BBS9: variants seen among roughly 807,000 people sequenced by gnomAD.
BBS9 encodes the protein protein PTHB1.
Under a neutral mutation model 117.7 loss-of-function variants are expected in BBS9, and 89 were observed. That is an observed-to-expected ratio of 0.76 (90% CI 0.64 to 0.90). The LOEUF is 0.90. Among genes scored for constraint, BBS9 ranks in the 40% least tolerant of loss-of-function variants. The pLI is 0.00. For missense variants in BBS9, 982 were observed against 1,042.2 expected (o/e 0.94, Z 0.80); for synonymous variants, 379 against 370.9 (o/e 1.02, Z -0.25).
At chr7:33,472,936 A>C (rs1290304612) in intron 19 of BBS9, among the ~76,000 whole-genome samples, 1 of 152,218 alleles carries the variant, frequency 6.6e-6, no homozygotes, top group Non-Finnish European at 1.5e-5. Context: ...TCATCCCAAG[A>C]ACTCTTCTTC....
At chr7:33,247,201 C>T (rs577063488) in intron 5 of BBS9, among the ~76,000 whole-genome samples, 1 of 152,198 alleles carries the variant, frequency 6.6e-6, no homozygotes, top group South Asian at 2.1e-4. Flanking sequence ...AATAGAATAA[C>T]CCAGTAATAT....
chr7:33,328,599 T>G (rs907121465), intron 9 of BBS9, among the ~76,000 whole-genome samples: 23 of 152,192 alleles, frequency 1.5e-4, no homozygotes, highest in African/African-American at 5.6e-4. Context: ...AAATACTATT[T>G]AGGGTTTTAA....
intron 20 of BBS9, among the ~76,000 whole-genome samples, chr7:33,524,372 C>A (rs1849135802): frequency 6.6e-6 from 1 of 152,172 alleles, no homozygotes; most frequent in African/African-American, 2.4e-5. Context: ...GTGAATCCAT[C>A]TGGTCCTGGA....
intron 1 of BBS9, among the ~76,000 whole-genome samples, chr7:33,137,137 A>G (rs867341664): frequency 6.6e-6 from 1 of 152,088 alleles, no homozygotes; most frequent in Middle Eastern, 3.4e-3. Context: ...CAGAGTCCGG[A>G]GGGGACCGAG....
At chr7:33,242,164 A>G (rs961250517) in intron 5 of BBS9, among the ~76,000 whole-genome samples, 1 of 152,096 alleles carries the variant, frequency 6.6e-6, no homozygotes, top group African/African-American at 2.4e-5. Context: ...GCAAACCCAC[A>G]TTAAAATCAG....
chr7:33,312,983 T>C (rs1276510411), intron 9 of BBS9, among the ~76,000 whole-genome samples: 1 of 152,118 alleles, frequency 6.6e-6, no homozygotes, highest in Non-Finnish European at 1.5e-5. Context: ...ATTTTTTAAA[T>C]GAGTGGTTCT....
At chr7:33,167,581 T>C (rs2128138312) in intron 4 of BBS9, among the ~76,000 whole-genome samples, 1 of 152,148 alleles carries the variant, frequency 6.6e-6, no homozygotes, top group South Asian at 2.1e-4. Context: ...TTTTGTATTT[T>C]AGTAGAGATG....
intron 21 of BBS9, among the ~76,000 whole-genome samples, chr7:33,580,003 A>G (rs927503092): frequency 1.3e-5 from 2 of 152,158 alleles, no homozygotes; most frequent in Non-Finnish European, 2.9e-5. Flanking sequence ...TTTAAAACCA[A>G]TTTATTTATG....
chr7:33,288,512 A>G (rs556649463), intron 9 of BBS9, among the ~76,000 whole-genome samples: 2 of 152,336 alleles, frequency 1.3e-5, no homozygotes, highest in East Asian at 1.9e-4. Flanking sequence ...ATTAGCACGT[A>G]TGTTCTAGTC....
chr7:33,259,650 C>T (rs925182257), intron 6 of BBS9, among the ~76,000 whole-genome samples: 1 of 152,060 alleles, frequency 6.6e-6, no homozygotes, highest in Non-Finnish European at 1.5e-5. Context: ...GCTGGGATTA[C>T]TGGCATTAGC....
chr7:33,503,704 T>C (rs972673277), intron 19 of BBS9, among the ~76,000 whole-genome samples: 1 of 151,690 alleles, frequency 6.6e-6, no homozygotes, highest in Non-Finnish European at 1.5e-5. Flanking sequence ...TGTGTCATAA[T>C]GTGATGGCCC....
intron 9 of BBS9, among the ~76,000 whole-genome samples, chr7:33,287,403 C>T (rs113086296): frequency 0.041 from 6,226 of 152,100 alleles, 319 homozygotes; most frequent in African/African-American, 0.12. Context: ...TTCAAGATAA[C>T]GGTATTAATT....
intron 5 of BBS9, among the ~76,000 whole-genome samples, chr7:33,202,813 A>T (rs1050372209): frequency 1.3e-5 from 2 of 152,182 alleles, no homozygotes; most frequent in African/African-American, 4.8e-5. Flanking sequence ...GTGGGGGGGA[A>T]CACAAGTCCA....
chr7:33,323,673 C>CTT (rs780777215), intron 9 of BBS9, among the ~76,000 whole-genome samples: 6 of 151,524 alleles, frequency 4.0e-5, no homozygotes, highest in African/African-American at 4.8e-5. Context: ...ATCATTGGGT[C>CTT]TTTTTTTAAA....
At chr7:33,307,455 C>G (rs1184358046) in intron 9 of BBS9, among the ~76,000 whole-genome samples, 1 of 151,306 alleles carries the variant, frequency 6.6e-6, no homozygotes, top group Non-Finnish European at 1.5e-5. Flanking sequence ...ATTGGCTTGT[C>G]CAGTTTAGAA....
At chr7:33,335,199 A>G (rs1815065692) in intron 9 of BBS9, among the ~76,000 whole-genome samples, 1 of 151,996 alleles carries the variant, frequency 6.6e-6, no homozygotes, top group African/African-American at 2.4e-5. Flanking sequence ...GATGAATAGC[A>G]ACATTTAAAC....
intron 5 of BBS9, among the ~76,000 whole-genome samples, chr7:33,180,292 G>A (rs927641552): frequency 7.2e-5 from 11 of 151,984 alleles, no homozygotes; most frequent in African/African-American, 2.7e-4. Flanking sequence ...CCCTTGTTCA[G>A]GTGTACTCTC....
chr7:33,548,882 C>G (rs1396021587), intron 21 of BBS9, among the ~76,000 whole-genome samples: 1 of 150,608 alleles, frequency 6.6e-6, no homozygotes, highest in East Asian at 2.0e-4. Context: ...ATGCCATCCC[C>G]ATCAAGCTAC....
downstream of BBS9, among the ~76,000 whole-genome samples, chr7:33,609,644 T>C (rs1864761582): frequency 6.6e-6 from 1 of 152,138 alleles, no homozygotes; most frequent in South Asian, 2.1e-4. Flanking sequence ...CTTTTACATG[T>C]CTGATGGTCA....
Sources: gnomAD v4.1 joint callset for allele counts (sites outside exome capture counted in the v4.1 genomes callset) on GRCh38, gnomAD v4.1.1 for gene constraint, MANE v1.5 for transcripts, NCBI Gene and HGNC (gene_info 2026-07-23, HGNC 2026-07-21) for gene names.